Variants in PVT1 observed in about 807,000 individuals in gnomAD.
PVT1 encodes Pvt1 oncogene.
At chr8:127,997,848 A>C (rs1341442725) in intron 4 of PVT1, among the ~76,000 whole-genome samples, 1 of 152,190 alleles carries the variant, frequency 6.6e-6, no homozygotes, top group Non-Finnish European at 1.5e-5. Flanking sequence ...TTTAGTGATC[A>C]TGTCTTCTTA....
intron 3 of PVT1, among the ~76,000 whole-genome samples, chr8:127,891,693 T>G (rs1586424220): frequency 6.6e-6 from 1 of 152,154 alleles, no homozygotes; most frequent in Non-Finnish European, 1.5e-5. Context: ...TTGGGGATGG[T>G]GGACATTTCT....
At chr8:127,975,299 A>C (rs1816811261) in intron 3 of PVT1, among the ~76,000 whole-genome samples, 1 of 152,208 alleles carries the variant, frequency 6.6e-6, no homozygotes, top group African/African-American at 2.4e-5. Flanking sequence ...GTTTCACCAC[A>C]ACCTCATCAA....
intron 2 of PVT1, among the ~76,000 whole-genome samples, chr8:127,851,046 T>C (rs927604403): frequency 4.6e-5 from 7 of 151,740 alleles, no homozygotes; most frequent in Non-Finnish European, 8.8e-5. Flanking sequence ...AGATAAAATG[T>C]AGTTATGAAA....
intron 3 of PVT1, among the ~76,000 whole-genome samples, chr8:127,907,356 G>C (rs957013996): frequency 6.6e-6 from 1 of 152,136 alleles, no homozygotes; most frequent in African/African-American, 2.4e-5. Flanking sequence ...ACAGGGCTCT[G>C]GTCCCAGATG....
intron 4 of PVT1, among the ~76,000 whole-genome samples, chr8:128,036,376 T>C (rs1021166578): frequency 2.0e-5 from 3 of 152,192 alleles, no homozygotes; most frequent in Non-Finnish European, 4.4e-5. Context: ...CCTTACCTCT[T>C]GTACCTCGTC....
At chr8:128,067,652 CA>C (rs781346120) in intron 4 of PVT1, among the ~76,000 whole-genome samples, 1 of 152,116 alleles carries the variant, frequency 6.6e-6, no homozygotes, top group Non-Finnish European at 1.5e-5. Context: ...ATTAACCCAA[CA>C]GAGGAGCCAG....
At chr8:127,878,519 TG>T (rs1444702279) in intron 2 of PVT1, among the ~76,000 whole-genome samples, 1 of 152,186 alleles carries the variant, frequency 6.6e-6, no homozygotes, top group Non-Finnish European at 1.5e-5. Flanking sequence ...GGTTATTGCT[TG>T]ACATTGCATC....
intron 3 of PVT1, among the ~76,000 whole-genome samples, chr8:127,928,155 G>A (rs2129880131): frequency 6.6e-6 from 1 of 152,252 alleles, no homozygotes; most frequent in South Asian, 2.1e-4. Flanking sequence ...GTTTGGTAAG[G>A]ACCACCGGCC....
At chr8:127,910,728 A>G (rs1815884106) in intron 3 of PVT1, among the ~76,000 whole-genome samples, 1 of 152,182 alleles carries the variant, frequency 6.6e-6, no homozygotes, top group Non-Finnish European at 1.5e-5. Flanking sequence ...ATGGTGCTAT[A>G]ATTAGCCCCA....
intron 4 of PVT1, among the ~76,000 whole-genome samples, chr8:128,035,529 G>A (rs1009840941): frequency 2.6e-5 from 4 of 152,188 alleles, no homozygotes; most frequent in Non-Finnish European, 5.9e-5. Flanking sequence ...ATGTGATGAC[G>A]AGTAAGACAG....
At chr8:128,059,354 T>C (rs1813802843) in intron 4 of PVT1, among the ~76,000 whole-genome samples, 1 of 152,146 alleles carries the variant, frequency 6.6e-6, no homozygotes, top group Non-Finnish European at 1.5e-5. Flanking sequence ...TGTTTACGTG[T>C]CCACCAGGGG....
chr8:127,957,536 C>G (rs1816584653), intron 3 of PVT1, among the ~76,000 whole-genome samples: 1 of 145,838 alleles, frequency 6.9e-6, no homozygotes, highest in Non-Finnish European at 1.5e-5. Context: ...CCACTGCACT[C>G]CAGCCTGGTG....
At chr8:127,870,638 T>C (rs1308209404) in intron 2 of PVT1, among the ~76,000 whole-genome samples, 1 of 152,190 alleles carries the variant, frequency 6.6e-6, no homozygotes, top group East Asian at 1.9e-4. Context: ...ACTGGCCATT[T>C]CATTCTGCAT....
At chr8:127,914,370 T>C (rs1815954063) in intron 3 of PVT1, among the ~76,000 whole-genome samples, 1 of 148,226 alleles carries the variant, frequency 6.7e-6, no homozygotes. Flanking sequence ...GGTAGGAATG[T>C]AAGATGATAC....
At chr8:128,076,871 C>G (rs894242537) in intron 5 of PVT1, among the ~76,000 whole-genome samples, 2 of 152,242 alleles carry the variant, frequency 1.3e-5, no homozygotes, top group African/African-American at 4.8e-5. Flanking sequence ...GTGACACATG[C>G]TAAGCCCTTC....
chr8:127,952,310 C>T (rs1323780682), intron 3 of PVT1, among the ~76,000 whole-genome samples: 2 of 152,232 alleles, frequency 1.3e-5, no homozygotes, highest in South Asian at 4.1e-4. Context: ...TTCACTGTCT[C>T]AGCAGAGCTG....
At chr8:127,904,372 A>G (rs1815794927) in intron 3 of PVT1, among the ~76,000 whole-genome samples, 1 of 152,202 alleles carries the variant, frequency 6.6e-6, no homozygotes, top group Admixed American at 6.5e-5. Context: ...ACCAATGCTG[A>G]ATTTGACTGC....
intron 3 of PVT1, among the ~76,000 whole-genome samples, chr8:127,976,657 G>A (rs1816825713): frequency 6.6e-6 from 1 of 152,140 alleles, no homozygotes; most frequent in Non-Finnish European, 1.5e-5. Context: ...CAGGGGCTTG[G>A]CACAGGTCAT....
chr8:128,072,365 A>G (rs1424162205), intron 5 of PVT1, among the ~76,000 whole-genome samples: 1 of 152,210 alleles, frequency 6.6e-6, no homozygotes, highest in African/African-American at 2.4e-5. Context: ...ACAGCGCTCA[A>G]TTCCTAATTT....
Sources: allele counts gnomAD v4.1 joint callset (sites outside exome capture counted in the v4.1 genomes callset), GRCh38; gene constraint gnomAD v4.1.1; transcripts MANE v1.5; gene names NCBI Gene and HGNC (gene_info 2026-07-23, HGNC 2026-07-21).